Variants in LPA observed in about 807,000 individuals in gnomAD.
LPA encodes the protein apolipoprotein(a).
A neutral mutation model predicts 197.9 loss-of-function variants in LPA; 199 were observed. That is an observed-to-expected ratio of 1.01 (90% confidence interval 0.90 to 1.13). The LOEUF is 1.13. Ranked by LOEUF, LPA falls within the 50% of genes most tolerant of loss-of-function variation. The probability of loss-of-function intolerance (pLI) is 0.00; values close to 1 mark genes in which losing one functional copy is unlikely to be tolerated. For missense variants in LPA, 1,853 were observed against 1,785.8 expected (o/e 1.04, Z -0.68); for synonymous variants, 715 against 639.5 (o/e 1.12, Z -1.78).
Position 160,577,296 on chromosome 6 carries a change from C to T in LPA, c.4472-1G>A, listed in dbSNP as rs376976676. The T allele has an allele frequency of 6.8e-6, 11 of 1,613,096 alleles. No homozygotes were observed. The highest frequency in any genetic ancestry group is 9.3e-6 in the Non-Finnish European group (11 of 1,179,462). Reference sequence around the variant, plus strand: ...ACCACAGGGCTTTTCTCAGGTGGTGCTGAAATTAAAATAAAATAAATCATA... The same window carrying T: ...ACCACAGGGCTTTTCTCAGGTGGTGTTGAAATTAAAATAAAATAAATCATA... On this transcript the variant is annotated splice_acceptor_variant, in intron 27 of 38. Transcript: ENST00000316300. LOFTEE classifies it high-confidence loss of function.
intron 1 of LPA, among the ~76,000 whole-genome samples, chr6:160,660,980 T>A (rs2115113547): frequency 6.6e-6 from 1 of 152,232 alleles, no homozygotes; most frequent in East Asian, 1.9e-4. Flanking sequence ...AGGCAACAAA[T>A]CTGTTCAAAA....
At chr6:160,546,244 C>A (rs1012591056) in intron 32 of LPA, among the ~76,000 whole-genome samples, 4 of 152,124 alleles carry the variant, frequency 2.6e-5, no homozygotes, top group Non-Finnish European at 5.9e-5. Flanking sequence ...AGCCGATCAC[C>A]GATGGCCAAT....
At chr6:160,590,890 A>C in intron 23 of LPA, 54 bp downstream of exon 23, 1 of 1,611,444 alleles carries the variant, frequency 6.2e-7, no homozygotes, top group South Asian at 1.1e-5. Flanking sequence ...AGATTTTGCA[A>C]CTCTTTTTAT....
chr6:160,588,663 C>T (rs1778963597), intron 24 of LPA, among the ~76,000 whole-genome samples: 1 of 152,074 alleles, frequency 6.6e-6, no homozygotes, highest in Admixed American at 6.5e-5. Flanking sequence ...TCCACAAATC[C>T]CTTCTCATTC....
chr6:160,550,284 T>TC (rs566011257), intron 30 of LPA, among the ~76,000 whole-genome samples: 2,470 of 151,314 alleles, frequency 0.016, 65 homozygotes, highest in African/African-American at 0.058. Context: ...GAGAATGTGC[T>TC]CCCCTTCGTT....
intron 21 of LPA, among the ~76,000 whole-genome samples, chr6:160,594,943 G>A (rs902982553): frequency 1.3e-5 from 2 of 152,230 alleles, no homozygotes; most frequent in Admixed American, 6.5e-5. Context: ...CTCAAAAACC[G>A]CATTCCTCCG....
In LPA at chr6:160,601,208, G is replaced by T; in HGVS notation, c.2946-110C>A. 5.5e-6 allele frequency: 5 copies of T among 911,940 alleles called. No homozygotes were observed. In the East Asian group the frequency reaches 1.2e-4, roughly 22 times the overall value. 56.5% of individuals were successfully genotyped at this position (911,940 alleles called of 1,614,324 possible). On this transcript the variant is annotated intron_variant, in intron 18 of 38. Transcript: ENST00000316300. ...TGGTGCCTTTGAAATATTCCCAAAAGAGATACCATACAATTGCCACAATGA... is the reference window on the plus strand; with the variant it reads ...TGGTGCCTTTGAAATATTCCCAAAATAGATACCATACAATTGCCACAATGA...
chr6:160,586,192 G>A lies in LPA; in HGVS notation c.4129+257C>T, dbSNP rs41272106. On this transcript the variant is annotated intron_variant, in intron 25 of 38. Transcript: ENST00000316300. ...CTTGGCTAGGACACTAATATGATTC[G>A]TTTGATAACAGGGAAGTGATAAATC... is the stretch of plus-strand genomic sequence containing the variant. Among the ~76,000 whole-genome samples, 1,026 of 152,184 alleles carry A rather than the reference G, an allele frequency of 6.7e-3. 7 individuals carry two copies. Among genetic ancestry groups the A allele is most frequent in the African/African-American group, 0.023 (953 of 41,528 alleles).
intron 7 of LPA, among the ~76,000 whole-genome samples, chr6:160,634,869 A>G (rs1252650203): frequency 6.7e-6 from 1 of 150,226 alleles, no homozygotes; most frequent in East Asian, 1.9e-4. Context: ...AGCCCATTTT[A>G]GAAGGAGGTG....
intron 28 of LPA, among the ~76,000 whole-genome samples, chr6:160,563,749 G>A (rs1177885676): frequency 1.3e-5 from 2 of 152,196 alleles, no homozygotes; most frequent in African/African-American, 4.8e-5. Flanking sequence ...GGGTGCTCCT[G>A]TATTGGGTGC....
At chr6:160,596,126 A>G (rs1044278779) in intron 20 of LPA, among the ~76,000 whole-genome samples, 4 of 152,182 alleles carry the variant, frequency 2.6e-5, no homozygotes, top group Non-Finnish European at 4.4e-5. Context: ...TTCACATACA[A>G]TTGTTCTCAA....
At chr6:160,663,605 A>G (rs1780260985) in intron 1 of LPA, among the ~76,000 whole-genome samples, 2 of 152,218 alleles carry the variant, frequency 1.3e-5, no homozygotes. Flanking sequence ...TTGAATCATT[A>G]TATGCGTATA....
intron 26 of LPA, among the ~76,000 whole-genome samples, chr6:160,580,182 T>C (rs1172333881): frequency 2.6e-5 from 4 of 152,256 alleles, no homozygotes; most frequent in African/African-American, 7.2e-5. Flanking sequence ...TTTTGAGGTT[T>C]GTTCATGCTT....
rs374791630 is a variant in LPA at position 160,589,745 on chromosome 6, A to G, written c.3788-33T>C. On this transcript the variant is annotated intron_variant, in intron 23 of 38. Coordinates refer to ENST00000316300, the MANE Select transcript of LPA (RefSeq NM_005577.4). ...TCAAAGAGGAGAAAACAAACTGAGTAATTTCCAGAACACAGAAGCATGAGA... is the reference window on the plus strand; with the variant it reads ...TCAAAGAGGAGAAAACAAACTGAGTGATTTCCAGAACACAGAAGCATGAGA... The G allele has an allele frequency of 1.7e-5, 27 of 1,612,740 alleles. No homozygotes were observed. In the African/African-American group the frequency reaches 2.8e-4, roughly 17 times the overall value.
intron 26 of LPA, among the ~76,000 whole-genome samples, chr6:160,583,217 A>G (rs1256906917): frequency 6.6e-6 from 1 of 151,458 alleles, no homozygotes; most frequent in East Asian, 1.9e-4. Flanking sequence ...GGGTCACACT[A>G]AATGCTTTTT....
chr6:160,550,009 T>TCAACAGAGCGAGACCATCTTGGC (rs1778142688), intron 30 of LPA, among the ~76,000 whole-genome samples: 1 of 151,998 alleles, frequency 6.6e-6, no homozygotes, highest in African/African-American at 2.4e-5. Flanking sequence ...GATCACGAGG[T>TCAACAGAGCGAGACCATCTTGGC]CAACAGAGCG....
In LPA at chr6:160,557,631, C is replaced by A. The variant is rs763827432; in HGVS notation, c.4632-60G>T. On this transcript the variant is annotated intron_variant, in intron 28 of 38. Coordinates refer to ENST00000316300, the MANE Select transcript of LPA (RefSeq NM_005577.4). ...CGGGAAAAAATTCAGGGGCACCCAG[C>A]GCTGTCTAAACTTTGTTATAACAAA... The A allele has an allele frequency of 2.6e-5, 37 of 1,437,726 alleles. 1 individual carries two copies. Among genetic ancestry groups the A allele is most frequent in the Admixed American group, 1.7e-4 (10 of 59,700 alleles). 89.1% of individuals were successfully genotyped at this position (1,437,726 alleles called of 1,614,324 possible).
intron 26 of LPA, among the ~76,000 whole-genome samples, chr6:160,578,918 A>G (rs1266775192): frequency 1.3e-5 from 2 of 152,224 alleles, no homozygotes; most frequent in Non-Finnish European, 2.9e-5. Context: ...GTTTTAAAAC[A>G]TCAAAAGTAG....
At chr6:160,586,099 G>A (rs887477435) in intron 25 of LPA, among the ~76,000 whole-genome samples, 5 of 152,194 alleles carry the variant, frequency 3.3e-5, no homozygotes, top group Non-Finnish European at 5.9e-5. Flanking sequence ...CCTACTTGAA[G>A]AAAGGGCTGG....
Sources: allele counts gnomAD v4.1 joint callset (sites outside exome capture counted in the v4.1 genomes callset), GRCh38; gene constraint gnomAD v4.1.1; transcripts MANE v1.5; gene names NCBI Gene and HGNC (gene_info 2026-07-23, HGNC 2026-07-21).